The following TLR3 variants were observed in gnomAD, a reference collection of about 807,000 sequenced individuals.
TLR3 encodes the protein toll like receptor 3, also known as toll-like receptor 3.
TLR3 carries 43 observed loss-of-function variants against 66.4 expected under a neutral mutation model. The observed-to-expected ratio is 0.65, with a 90% CI of 0.51 to 0.83. The LOEUF (loss-of-function observed/expected upper bound fraction) is 0.83. Ranked by LOEUF, TLR3 falls within the 40% of genes least tolerant of loss-of-function variation. The pLI, the probability that TLR3 is intolerant of heterozygous loss-of-function variation, is 0.00. For missense variants in TLR3, 982 were observed against 1,044.6 expected (o/e 0.94, Z 0.83); for synonymous variants, 397 against 397.2 (o/e 1.00, Z 0.01).
At chr4:186,071,645 G>A (rs1168510224) in intron 1 of TLR3, among the ~76,000 whole-genome samples, 1 of 151,988 alleles carries the variant, frequency 6.6e-6, no homozygotes, top group African/African-American at 2.4e-5. Context: ...AGTTGTAAAG[G>A]CCATGAGATG....
chr4:186,083,397 T>C lies in TLR3; in HGVS notation c.1711T>C (p.Ser571Pro). Residue 571 changes from serine to proline, a missense_variant, in exon 4 of 5, where the codon TCC becomes CCC. Transcript: ENST00000296795. This position sits in a 1 kb window ranked among gnomAD's most constrained non-coding sequence, Gnocchi z 4.0. ...TCACCTCCACATCCTTAACTTGGAG[T>C]CCAACGGCTTTGACGAGATCCCAGT... ...LSHLHILNLE[S>P]NGFDEIPVEV... The C allele has an allele frequency of 6.2e-7, 1 of 1,614,130 alleles. No homozygotes were observed.
At chr4:186,072,551 T>C (rs772780073) in intron 1 of TLR3, among the ~76,000 whole-genome samples, 1 of 152,234 alleles carries the variant, frequency 6.6e-6, no homozygotes, top group Non-Finnish European at 1.5e-5. Flanking sequence ...CCTCAGGTGA[T>C]CTGCCCACCT....
intron 4 of TLR3, 116 bp from the exon 5 acceptor site, chr4:186,084,529 G>GAA (rs79940800): frequency 0.013 from 8,220 of 655,044 alleles, no homozygotes; most frequent in Middle Eastern, 0.017. Flanking sequence ...ATAAAATTAA[G>GAA]AAAAAAAAAA....
Position 186,084,075 on chromosome 4 carries a change from GT to G in TLR3, c.2394del (p.Phe798LeufsTer3), listed in dbSNP as rs757764376. On this transcript the variant is annotated frameshift_variant, in exon 4 of 5. Transcript: ENST00000296795. LOFTEE classifies it high-confidence loss of function. ...GGAAGAAAGGGACTTTGAGGCGGGT[GT>G]TTTTGAACTAGAAGCAATTGTTAAC... ...CLEERDFEAGVFELEAIVNSI... is the reference protein window; with the variant it reads ...CLEERDFEAGXFELEAIVNSI... 2.2e-5 allele frequency: 35 copies of G among 1,614,140 alleles called. 1 individual carries two copies. In the South Asian group the frequency reaches 3.3e-4, roughly 15 times the overall value.
rs2099304544 is a variant in TLR3 at position 186,087,433 on chromosome 4, G to A, written c.*2560G>A. ...CTGGGGTTTGAGAGAAGGGGATCGA[G>A]GAAAAGGATGTTTGTCTGAGCTCTT... On this transcript the variant is annotated 3_prime_UTR_variant, in exon 5 of 5. Coordinates refer to ENST00000296795, the MANE Select transcript of TLR3 (RefSeq NM_003265.3). The A allele has an allele frequency of 6.6e-6, 1 of 152,214 alleles. No individual in the cohort carries two copies. Among genetic ancestry groups the A allele is most frequent in the African/African-American group, 2.4e-5 (1 of 41,440 alleles). 9.4% of individuals were successfully genotyped at this position (152,214 alleles called of 1,614,324 possible). A position where few individuals can be genotyped will look rare whatever the true frequency, so the allele number is the denominator to read the frequency against.
rs2099304437 is a variant in TLR3 at position 186,086,802 on chromosome 4, T to C, written c.*1929T>C. The stretch of plus-strand genomic sequence containing the variant: ...ATTTAATATATTGATATGTTACTGG[T>C]GGAGAGTGTCCAGGTTCTTGGTGCT... On this transcript the variant is annotated 3_prime_UTR_variant, in exon 5 of 5. Coordinates refer to ENST00000296795, the MANE Select transcript of TLR3 (RefSeq NM_003265.3). 1 of 152,070 alleles carries C rather than the reference T, an allele frequency of 6.6e-6. No homozygotes were observed. Among genetic ancestry groups the C allele is most frequent in the South Asian group, 2.1e-4 (1 of 4,832 alleles). The allele number at this position is 152,070 out of a possible 1,614,324, so 9.4% of individuals were successfully genotyped here. A position where few individuals can be genotyped will look rare whatever the true frequency, so the allele number is the denominator to read the frequency against.
At chr4:186,074,640 CTTA>C (rs1372197554) in intron 1 of TLR3, among the ~76,000 whole-genome samples, 1 of 152,194 alleles carries the variant, frequency 6.6e-6, no homozygotes, top group African/African-American at 2.4e-5. Flanking sequence ...TAATAATTAA[CTTA>C]TTATAACTGT....
In TLR3 at chr4:186,076,848, C is replaced by G; in HGVS notation, c.229C>G (p.Leu77Val). The change falls in exon 2 of 5, where the codon CTA (leucine) becomes GTA (valine). Residue 77 changes from leucine (L) to valine (V), a missense_variant. By Grantham distance (32) the Leu-to-Val change is conservative. Around this residue, in one of 3 missense-constraint regions of TLR3, gnomAD observed 313 missense variants for 319.0 expected, o/e 0.98. Coordinates refer to ENST00000296795, the MANE Select transcript of TLR3 (RefSeq NM_003265.3). ...PAANFTRYSQ[L>V]TSLDVGFNTI... ...CGCCAACTTCACAAGGTATAGCCAG[C>G]TAACTAGCTTGGATGTAGGATTTAA... 6.2e-7 allele frequency: 1 copy of G among 1,614,164 alleles called. No homozygotes were observed. Among genetic ancestry groups the G allele is most frequent in the African/African-American group, 1.3e-5 (1 of 75,036 alleles).
At position 186,083,121 on chromosome 4, in the gene TLR3, G is replaced by A; in HGVS notation, c.1435G>A (p.Val479Ile). 2.5e-6 allele frequency: 4 copies of A among 1,614,140 alleles called. No individual in the cohort carries two copies. The highest frequency in any genetic ancestry group is 3.4e-6 in the Non-Finnish European group (4 of 1,180,020). Reference sequence around the variant, plus strand: ...GCTGACTAGGAACTCCTTTGCCTTGGTCCCAAGCCTTCAACGACTGATGCT... The same window carrying A: ...GCTGACTAGGAACTCCTTTGCCTTGATCCCAAGCCTTCAACGACTGATGCT... Reference protein sequence around the residue: ...LQLTRNSFALVPSLQRLMLRR... With the variant: ...LQLTRNSFALIPSLQRLMLRR... The change falls in exon 4 of 5, where the codon GTC becomes ATC. Residue 479 changes from valine to isoleucine, a missense_variant. Val to Ile is a conservative substitution (Grantham distance 29). Around this residue, in one of 3 missense-constraint regions of TLR3, gnomAD observed 666 missense variants for 709.0 expected, o/e 0.94. Transcript: ENST00000296795. The surrounding 1 kb of genome is among the most constrained non-coding windows in gnomAD (Gnocchi z 4.0).
intron 1 of TLR3, among the ~76,000 whole-genome samples, chr4:186,071,543 T>C (rs2099301471): frequency 6.6e-6 from 1 of 152,230 alleles, no homozygotes; most frequent in Non-Finnish European, 1.5e-5. Flanking sequence ...CCTGGGCAAG[T>C]CAGCAAATGC....
At chr4:186,080,095 G>A (rs1311910709) in intron 3 of TLR3, among the ~76,000 whole-genome samples, 1 of 152,036 alleles carries the variant, frequency 6.6e-6, no homozygotes, top group African/African-American at 2.4e-5. Flanking sequence ...TCCCTAAATA[G>A]GACTCTGCAT....
intron 2 of TLR3, among the ~76,000 whole-genome samples, chr4:186,078,203 G>T (rs1421102760): frequency 6.6e-6 from 1 of 152,106 alleles, no homozygotes; most frequent in Non-Finnish European, 1.5e-5. Flanking sequence ...AACTGGTATC[G>T]CTTTCCCTTA....
chr4:186,081,396 G>GACA (rs747153194), intron 3 of TLR3, among the ~76,000 whole-genome samples: 4 of 152,148 alleles, frequency 2.6e-5, no homozygotes, highest in Non-Finnish European at 5.9e-5. Flanking sequence ...TGTCCCCGAA[G>GACA]TGAGTCCCAG....
chr4:186,079,882 T>C (rs2099303131), intron 3 of TLR3, among the ~76,000 whole-genome samples: 1 of 152,314 alleles, frequency 6.6e-6, no homozygotes, highest in South Asian at 2.1e-4. Flanking sequence ...GGGTCTTGTT[T>C]ATGCTGTGTG....
rs1028461434 is a variant in TLR3, at chr4:186,084,800, T to C, written c.2642T>C (p.Val881Ala). ...FKSHCILNWP[V>A]QKERIGAFRH... ...TCTCACTGCATCTTGAACTGGCCAGTTCAGAAAGAACGGATAGGTGCCTTT... is the reference window on the plus strand; with the variant it reads ...TCTCACTGCATCTTGAACTGGCCAGCTCAGAAAGAACGGATAGGTGCCTTT... The change falls in exon 5 of 5, where the codon GTT (valine) becomes GCT (alanine). Residue 881 changes from valine to alanine, a missense_variant. By Grantham distance (64) the Val-to-Ala change is moderately conservative. Around this residue, in one of 3 missense-constraint regions of TLR3, gnomAD observed 666 missense variants for 709.0 expected, o/e 0.94. Transcript: ENST00000296795. The C allele has an allele frequency of 1.9e-6, 3 of 1,614,016 alleles. No individual in the cohort carries two copies. Among genetic ancestry groups the C allele is most frequent in the Non-Finnish European group, 2.5e-6 (3 of 1,180,024 alleles).
At chr4:186,077,478 A>G (rs151050980) in intron 2 of TLR3, among the ~76,000 whole-genome samples, 5 of 152,274 alleles carry the variant, frequency 3.3e-5, no homozygotes, top group African/African-American at 1.2e-4. Context: ...TCAACTAAAA[A>G]TTACCTACTC....
In TLR3 at chr4:186,079,046, A is replaced by G. The variant is rs1383406287; in HGVS notation, c.633+15A>G. ...AAATTAAAGAGGTAAGAAGTAAGGT[A>G]AAATTATTTTGCATTCTGCCTTTAA... On this transcript the variant is annotated intron_variant, in intron 3 of 4. Coordinates refer to ENST00000296795, the MANE Select transcript of TLR3 (RefSeq NM_003265.3). 2 of 1,606,762 alleles carry G rather than the reference A, an allele frequency of 1.2e-6. No individual in the cohort carries two copies. Among genetic ancestry groups the G allele is most frequent in the Admixed American group, 1.7e-5 (1 of 59,806 alleles).
chr4:186,083,264 G>A lies in TLR3; in HGVS notation c.1578G>A (p.Leu526=), dbSNP rs532943362. The change falls in exon 4 of 5, where the codon TTG becomes TTA. Residue 526 remains leucine (L), a synonymous_variant. Transcript: ENST00000296795. This position sits in a 1 kb window ranked among gnomAD's most constrained non-coding sequence, Gnocchi z 4.0. ...NNIANINDDM[L]EGLEKLEILD... ...TAGCCAACATAAATGATGACATGTT[G>A]GAGGGTCTTGAGAAACTAGAAATTC... 1 of 1,614,146 alleles carries A rather than the reference G, an allele frequency of 6.2e-7. No individual in the cohort carries two copies. The highest frequency in any genetic ancestry group is 1.1e-5 in the South Asian group (1 of 91,078).
rs1044402999 is a variant in TLR3 at position 186,078,759 on chromosome 4, A to G, written c.442-81A>G. 29 of 1,185,836 alleles carry G rather than the reference A, an allele frequency of 2.4e-5. No homozygotes were observed. In the African/African-American group the frequency reaches 4.1e-4, roughly 17 times the overall value. The allele number at this position is 1,185,836 out of a possible 1,614,324, so 73.5% of individuals were successfully genotyped here. A position where few individuals can be genotyped will look rare whatever the true frequency, so the allele number is the denominator to read the frequency against. On this transcript the variant is annotated intron_variant, in intron 2 of 4. Transcript: ENST00000296795. ...GAGGTGTTGATTTTGCTGTTGAAGT[A>G]TTTTTCAGATGTACTTACATTTAAA... is the stretch of plus-strand genomic sequence containing the variant.
Sources: gnomAD v4.1 joint callset for allele counts (sites outside exome capture counted in the v4.1 genomes callset) on GRCh38, gnomAD v4.1.1 for gene constraint, gnomAD v4.1.1 regional missense constraint, Gnocchi (gnomAD v3.1) non-coding constraint, MANE v1.5 for transcripts, NCBI Gene and HGNC (gene_info 2026-07-23, HGNC 2026-07-21) for gene names.